Variants in TNFRSF8 observed in about 807,000 individuals in gnomAD.
The protein encoded by TNFRSF8 is tumor necrosis factor receptor superfamily member 8.
Under a neutral mutation model 70.8 loss-of-function variants are expected in TNFRSF8, and 26 were observed. The observed-to-expected ratio is 0.37, with a 90% CI of 0.27 to 0.51. The LOEUF (loss-of-function observed/expected upper bound fraction) is 0.51, where lower values mean the gene tolerates loss of function less well. Among genes scored for constraint, TNFRSF8 ranks in the 20% least tolerant of loss-of-function variants. The probability of loss-of-function intolerance (pLI) is 0.94; values close to 1 mark genes in which losing one functional copy is unlikely to be tolerated. For synonymous variants in TNFRSF8, 356 were observed against 339.2 expected, an observed-to-expected ratio of 1.05 and a Z score of -0.54; for missense variants, 720 against 807.9, an observed-to-expected ratio of 0.89 and a Z score of 1.32.
chr1:12,079,945 C>T (rs1641033924), intron 1 of TNFRSF8, among the ~76,000 whole-genome samples: 2 of 136,970 alleles, frequency 1.5e-5, no homozygotes, highest in South Asian at 4.7e-4. Context: ...TTTTTTAATT[C>T]TCTATTTTTT....
Position 12,142,150 on chromosome 1 carries a change from A to G in TNFRSF8, c.1544-137A>G, listed in dbSNP as rs1439146453. On this transcript the variant is annotated intron_variant, in intron 14 of 14. Transcript: ENST00000263932. The surrounding 1 kb of genome is among the most constrained non-coding windows in gnomAD (Gnocchi z 5.0). ...AGCCCCCAGGATGCCTGTAAGGTAC[A>G]TCAGAGAGGCTGTGCCATCAGCCTG... 6 of 1,249,244 alleles carry G rather than the reference A, an allele frequency of 4.8e-6. No homozygotes were observed. The highest frequency in any genetic ancestry group is 6.5e-6 in the Non-Finnish European group (6 of 917,452). 77.4% of individuals were successfully genotyped at this position (1,249,244 alleles called of 1,614,324 possible).
chr1:12,105,406 G>A (rs909442720), intron 4 of TNFRSF8, among the ~76,000 whole-genome samples: 60 of 151,594 alleles, frequency 4.0e-4, no homozygotes, highest in Non-Finnish European at 7.8e-4. Flanking sequence ...GCCCATCCTC[G>A]AGTCCTGTAG....
intron 9 of TNFRSF8, 67 bp from the exon 10 acceptor site, chr1:12,123,648 A>T: frequency 7.4e-7 from 1 of 1,353,768 alleles, no homozygotes; most frequent in African/African-American, 1.4e-5. Flanking sequence ...GAGAAAGGGA[A>T]TTATTCCTGA....
At position 12,142,316 on chromosome 1, in the gene TNFRSF8, G is replaced by C; in HGVS notation, c.1573G>C (p.Val525Leu). Residue 525 changes from valine (V) to leucine (L), a missense_variant, in exon 15 of 15, where the codon GTG becomes CTG. Transcript: ENST00000263932. The surrounding 1 kb of genome is among the most constrained non-coding windows in gnomAD (Gnocchi z 5.0). Reference protein sequence around the residue: ...EKIYIMKADTVIVGTVKAELP... With the variant: ...EKIYIMKADTLIVGTVKAELP... ...AATCTACATCATGAAGGCTGACACC[G>C]TGATCGTGGGGACCGTGAAGGCTGA... 1 of 1,603,128 alleles carries C rather than the reference G, an allele frequency of 6.2e-7. No individual in the cohort carries two copies. The highest frequency in any genetic ancestry group is 8.5e-7 in the Non-Finnish European group (1 of 1,174,740).
rs749235128 is a variant in TNFRSF8 at position 12,125,942 on chromosome 1, G to C, written c.1154-9G>C. The C allele has an allele frequency of 3.0e-5, 48 of 1,613,020 alleles. 1 individual carries two copies. The highest frequency in any genetic ancestry group is 4.0e-5 in the Non-Finnish European group (47 of 1,179,114). On this transcript the variant is annotated splice_polypyrimidine_tract_variant and intron_variant, in intron 10 of 14. Transcript: ENST00000263932. ...AAGGCAAAGAGTGTGGGGCGTCTCT[G>C]TGTTCCAGGGCCAGTGCTCTTCTGG...
chr1:12,134,556 T>C (rs1570082417), intron 12 of TNFRSF8, among the ~76,000 whole-genome samples: 1 of 152,252 alleles, frequency 6.6e-6, no homozygotes, highest in East Asian at 1.9e-4. Flanking sequence ...AGGTTGTGCG[T>C]TGAGAATCAT....
intron 3 of TNFRSF8, 75 bp from the exon 4 acceptor site, chr1:12,104,304 C>T (rs1641478372): frequency 6.4e-7 from 1 of 1,557,710 alleles, no homozygotes; most frequent in South Asian, 1.1e-5. Flanking sequence ...CTGCCCTCTC[C>T]CCCTCATCTC....
intron 2 of TNFRSF8, among the ~76,000 whole-genome samples, chr1:12,089,065 C>A (rs913371170): frequency 6.6e-6 from 1 of 152,212 alleles, no homozygotes. Flanking sequence ...CTCCCTGACC[C>A]CAGCCTGGGC....
intron 1 of TNFRSF8, among the ~76,000 whole-genome samples, chr1:12,076,097 C>CT (rs397829917): frequency 0.24 from 32,265 of 137,270 alleles, 4,196 homozygotes; most frequent in South Asian, 0.34. Context: ...TTTTTTTTTT[C>CT]TTTTTCTTTT....
intron 3 of TNFRSF8, among the ~76,000 whole-genome samples, chr1:12,103,156 G>A (rs1252092475): frequency 2.0e-5 from 3 of 151,988 alleles, no homozygotes; most frequent in African/African-American, 7.2e-5. Context: ...CTGAGGTCAG[G>A]AGTTTGAGAC....
chr1:12,142,230 C>A lies in TNFRSF8; in HGVS notation c.1544-57C>A. 1 of 1,501,524 alleles carries A rather than the reference C, an allele frequency of 6.7e-7. No individual in the cohort carries two copies. Among genetic ancestry groups the A allele is most frequent in the Non-Finnish European group, 8.9e-7 (1 of 1,119,646 alleles). The allele number at this position is 1,501,524 out of a possible 1,614,324, so 93.0% of individuals were successfully genotyped here. A position where few individuals can be genotyped will look rare whatever the true frequency, so the allele number is the denominator to read the frequency against. ...GCCTCGGCCCTTCTCTGCCTCTTTG[C>A]TCCCATCCTGGCTGGTGCTCTGGCC... On this transcript the variant is annotated intron_variant, in intron 14 of 14. Transcript: ENST00000263932. This position sits in a 1 kb window ranked among gnomAD's most constrained non-coding sequence, Gnocchi z 5.0.
chr1:12,091,677 A>G (rs2100978389), intron 2 of TNFRSF8, among the ~76,000 whole-genome samples: 1 of 152,322 alleles, frequency 6.6e-6, no homozygotes, highest in South Asian at 2.1e-4. Flanking sequence ...CTGCAGGAAG[A>G]ACATTTGTGT....
chr1:12,116,733 T>G lies in TNFRSF8; in HGVS notation c.946+1004T>G, dbSNP rs939195442. Among the ~76,000 whole-genome samples the G allele has an allele frequency of 1.4e-4, 22 of 151,852 alleles. 1 individual carries two copies. The highest frequency in any genetic ancestry group is 3.6e-4 in the African/African-American group (15 of 41,330). On this transcript the variant is annotated intron_variant, in intron 8 of 14. Transcript: ENST00000263932. ...GAGAATCGCTTGAACCCGGGAGGCA[T>G]AGGTTGCAGTGAGCCGAGATTGCAC... is the stretch of plus-strand genomic sequence containing the variant.
intron 7 of TNFRSF8, among the ~76,000 whole-genome samples, chr1:12,114,534 G>A (rs573761821): frequency 2.0e-5 from 3 of 151,986 alleles, no homozygotes; most frequent in South Asian, 4.2e-4. Context: ...CTACCCTCGC[G>A]GAGAGGTCCC....
chr1:12,142,063 A>T lies in TNFRSF8; in HGVS notation c.1544-224A>T, dbSNP rs530885373. Among the ~76,000 whole-genome samples the T allele has an allele frequency of 1.2e-3, 186 of 152,258 alleles. No individual in the cohort carries two copies. The highest frequency in any genetic ancestry group is 4.3e-3 in the African/African-American group (177 of 41,538). ...GCAGAGATGTGCTGAGAAAATCCTA[A>T]GTACAAGTGGGCTGGTTCTTAACTC... On this transcript the variant is annotated intron_variant, in intron 14 of 14. Transcript: ENST00000263932. This position sits in a 1 kb window ranked among gnomAD's most constrained non-coding sequence, Gnocchi z 5.0.
chr1:12,140,619 C>G (rs1411394859), intron 14 of TNFRSF8, among the ~76,000 whole-genome samples: 1 of 152,180 alleles, frequency 6.6e-6, no homozygotes, highest in African/African-American at 2.4e-5. Context: ...TTTCCAGACC[C>G]CTCTTTCACT....
intron 3 of TNFRSF8, among the ~76,000 whole-genome samples, chr1:12,099,498 G>T (rs1013072649): frequency 6.6e-6 from 1 of 151,938 alleles, no homozygotes; most frequent in Non-Finnish European, 1.5e-5. Context: ...GTCCAGGCTG[G>T]CCTTAAACTC....
rs563892337 is a variant in TNFRSF8 at position 12,122,250 on chromosome 1, C to T, written c.947-1034C>T. 4.6e-5 allele frequency among the ~76,000 whole-genome samples: 7 copies of T among 152,142 alleles called. 1 individual carries two copies. In the South Asian group the frequency reaches 1.0e-3, roughly 23 times the overall value. ...CTTGCTATGTTGCTTAGGCTGGTTT[C>T]GAACTCCTGAGCTCAAGTGATCTGC... On this transcript the variant is annotated intron_variant, in intron 8 of 14. Coordinates refer to ENST00000263932, the MANE Select transcript of TNFRSF8 (RefSeq NM_001243.5).
chr1:12,092,316 A>G (rs1641259524), intron 2 of TNFRSF8, among the ~76,000 whole-genome samples: 1 of 151,672 alleles, frequency 6.6e-6, no homozygotes, highest in Admixed American at 6.6e-5. Flanking sequence ...AGTAGCTAGG[A>G]GTACAATGTG....
Sources: gnomAD v4.1 joint callset for allele counts (sites outside exome capture counted in the v4.1 genomes callset) on GRCh38, gnomAD v4.1.1 for gene constraint, Gnocchi (gnomAD v3.1) non-coding constraint, MANE v1.5 for transcripts, NCBI Gene and HGNC (gene_info 2026-07-23, HGNC 2026-07-21) for gene names.